The following FBXO11 variants were observed in gnomAD, a reference collection of about 807,000 sequenced individuals.
FBXO11 encodes the protein F-box protein 11, also known as F-box only protein 11.
In FBXO11, 13 loss-of-function variants were observed where a neutral mutation model predicts 117.0. That is an observed-to-expected ratio of 0.11 (90% CI 0.07 to 0.18). The LOEUF is 0.18. Among genes scored for constraint, FBXO11 ranks in the 10% least tolerant of loss-of-function variants. The pLI, the probability that FBXO11 is intolerant of heterozygous loss-of-function variation, is 1.00. For synonymous variants in FBXO11, 490 were observed against 380.5 expected, an observed-to-expected ratio of 1.29 and a Z score of -3.35; for missense variants, 767 against 1,164.4, an observed-to-expected ratio of 0.66 and a Z score of 4.97.
At chr2:47,820,532 G>C in intron 13 of FBXO11, 76 bp from the exon 14 acceptor site, 1 of 1,114,602 alleles carries the variant, frequency 9.0e-7, no homozygotes, top group Non-Finnish European at 1.3e-6. Flanking sequence ...ATTAGGTAGT[G>C]GTTAAAATTC....
intron 1 of FBXO11, among the ~76,000 whole-genome samples, chr2:47,893,497 A>C (rs1217743599): frequency 9.2e-5 from 14 of 152,174 alleles, no homozygotes; most frequent in Admixed American, 5.9e-4. Context: ...TTCAATACAA[A>C]AGTTGATTTC....
chr2:47,855,886 A>T (rs1215678404), intron 1 of FBXO11, among the ~76,000 whole-genome samples: 2 of 152,102 alleles, frequency 1.3e-5, no homozygotes, highest in Non-Finnish European at 2.9e-5. Context: ...AAGTAGAAAA[A>T]GCTGTATTGC....
At chr2:47,810,234 A>G in intron 19 of FBXO11, 82 bp downstream of exon 19, 1 of 910,798 alleles carries the variant, frequency 1.1e-6, no homozygotes, top group Middle Eastern at 3.3e-4. Context: ...TTAGTTAATA[A>G]GCAAAACAAA....
intron 1 of FBXO11, among the ~76,000 whole-genome samples, chr2:47,892,147 T>G (rs1175897551): frequency 6.6e-6 from 1 of 152,218 alleles, no homozygotes; most frequent in Non-Finnish European, 1.5e-5. Context: ...TTTTTACTTT[T>G]GTTGCCTGTC....
chr2:47,891,102 G>A (rs977854608), intron 1 of FBXO11, among the ~76,000 whole-genome samples: 3 of 152,024 alleles, frequency 2.0e-5, no homozygotes, highest in Admixed American at 2.0e-4. Context: ...GGGATTACAG[G>A]CATGAGCCAC....
In FBXO11 at chr2:47,807,863, G is replaced by A; in HGVS notation, c.*255C>T. The A allele has an allele frequency of 2.8e-6, 1 of 352,436 alleles. No homozygotes were observed. Among genetic ancestry groups the A allele is most frequent in the Non-Finnish European group, 5.2e-6 (1 of 192,234 alleles). 21.8% of individuals were successfully genotyped at this position (352,436 alleles called of 1,614,324 possible). A position where few individuals can be genotyped will look rare whatever the true frequency, so the allele number is the denominator to read the frequency against. ...CAGAAGTTGGTATCTGTACAAAATT[G>A]CAGCTTATTTTCTTCACTTCTGTCC... On this transcript the variant is annotated 3_prime_UTR_variant, in exon 23 of 23. Transcript: ENST00000403359.
chr2:47,902,361 T>C (rs990645323), intron 1 of FBXO11, among the ~76,000 whole-genome samples: 2 of 152,224 alleles, frequency 1.3e-5, no homozygotes, highest in African/African-American at 4.8e-5. Flanking sequence ...GTGAACACAA[T>C]AGTCCATGAA....
At chr2:47,879,533 TA>T (rs1486683361) in intron 1 of FBXO11, among the ~76,000 whole-genome samples, 2 of 152,214 alleles carry the variant, frequency 1.3e-5, no homozygotes, top group Non-Finnish European at 2.9e-5. Flanking sequence ...AAAAGCCACT[TA>T]TATTTAATTT....
intron 1 of FBXO11, among the ~76,000 whole-genome samples, chr2:47,894,522 T>C (rs535673063): frequency 6.6e-6 from 1 of 152,262 alleles, no homozygotes; most frequent in Admixed American, 6.5e-5. Context: ...AGGCCCAGAA[T>C]CACATATTAA....
At chr2:47,835,007 A>C (rs2104825458) in intron 5 of FBXO11, 136 bp from the exon 6 acceptor site, 2 of 677,464 alleles carry the variant, frequency 3.0e-6, no homozygotes, top group East Asian at 5.5e-5. Flanking sequence ...TTTCTGTCAG[A>C]GTACAATGTA....
chr2:47,828,099 C>T (rs1027451886), intron 11 of FBXO11, among the ~76,000 whole-genome samples: 15 of 152,074 alleles, frequency 9.9e-5, no homozygotes, highest in Admixed American at 9.8e-4. Flanking sequence ...CTTGCCTCAG[C>T]CTTCCAAGTA....
chr2:47,827,605 C>A (rs1486755058), intron 11 of FBXO11, among the ~76,000 whole-genome samples: 1 of 152,146 alleles, frequency 6.6e-6, no homozygotes, highest in Non-Finnish European at 1.5e-5. Context: ...CTGAACCCGG[C>A]CTGCTTCAAG....
intron 1 of FBXO11, among the ~76,000 whole-genome samples, chr2:47,891,458 T>A (rs1233661777): frequency 6.6e-6 from 1 of 152,240 alleles, no homozygotes; most frequent in Non-Finnish European, 1.5e-5. Flanking sequence ...GCAGAATTCC[T>A]TAAGACTGAA....
chr2:47,893,597 T>A (rs542337364), intron 1 of FBXO11, among the ~76,000 whole-genome samples: 1 of 152,316 alleles, frequency 6.6e-6, no homozygotes, highest in African/African-American at 2.4e-5. Context: ...CAAATTTTAT[T>A]TAAACTCAGT....
At chr2:47,898,163 G>A (rs185428054) in intron 1 of FBXO11, among the ~76,000 whole-genome samples, 1 of 152,092 alleles carries the variant, frequency 6.6e-6, no homozygotes, top group Non-Finnish European at 1.5e-5. Flanking sequence ...TATCTTATTC[G>A]GGGTGTTTAA....
chr2:47,828,193 T>C (rs569077025), intron 11 of FBXO11, among the ~76,000 whole-genome samples: 1 of 152,130 alleles, frequency 6.6e-6, no homozygotes, highest in Non-Finnish European at 1.5e-5. Context: ...CTTGCTCAGG[T>C]TGATCTTGAA....
chr2:47,892,643 G>C (rs1300658675), intron 1 of FBXO11, among the ~76,000 whole-genome samples: 2 of 152,184 alleles, frequency 1.3e-5, no homozygotes, highest in East Asian at 3.8e-4. Context: ...ACATGCTTAT[G>C]AGGAAACAAA....
In FBXO11 at chr2:47,905,734, G is replaced by GTGGCGGCGT; in HGVS notation, c.-23_-15dup. The GTGGCGGCGT allele has an allele frequency of 6.6e-7, 1 of 1,525,166 alleles. No homozygotes were observed. The highest frequency in any genetic ancestry group is 8.8e-7 in the Non-Finnish European group (1 of 1,139,032). 94.5% of individuals were successfully genotyped at this position (1,525,166 alleles called of 1,614,324 possible). A position where few individuals can be genotyped will look rare whatever the true frequency, so the allele number is the denominator to read the frequency against. On this transcript the variant is annotated 5_prime_UTR_variant, in exon 1 of 23. Transcript: ENST00000403359. ...GACGGAGTTCATTTGCCGGGCTGAGGTGGCGGCGTTGGCGGAGGGACACAC... is the reference window on the plus strand; with the variant it reads ...GACGGAGTTCATTTGCCGGGCTGAGGTGGCGGCGTTGGCGGCGTTGGCGGAGGGACACAC...
At chr2:47,886,577 T>A (rs947266479) in intron 1 of FBXO11, among the ~76,000 whole-genome samples, 8 of 152,122 alleles carry the variant, frequency 5.3e-5, no homozygotes, top group African/African-American at 1.2e-4. Context: ...ATAGGGTTGT[T>A]TGCTGCAGTT....
Sources: gnomAD v4.1 joint callset for allele counts (sites outside exome capture counted in the v4.1 genomes callset) on GRCh38, gnomAD v4.1.1 for gene constraint, MANE v1.5 for transcripts, NCBI Gene and HGNC (gene_info 2026-07-23, HGNC 2026-07-21) for gene names.